SPECC1L: variants seen among roughly 807,000 people sequenced by gnomAD.
SPECC1L encodes the protein sperm antigen with calponin homology and coiled-coil domains 1 like.
In SPECC1L, 40 loss-of-function variants were observed where a neutral mutation model predicts 116.8. That is an observed-to-expected ratio of 0.34 (90% CI 0.27 to 0.45). The LOEUF (loss-of-function observed/expected upper bound fraction) is 0.45, where lower values mean the gene tolerates loss of function less well. SPECC1L is among the 20% of genes least tolerant of loss of function. The probability of loss-of-function intolerance (pLI) is 1.00; values close to 1 mark genes in which losing one functional copy is unlikely to be tolerated. For missense variants in SPECC1L, 1,110 were observed against 1,373.6 expected, an observed-to-expected ratio of 0.81 and a Z score of 3.03; for synonymous variants, 504 against 500.6, an observed-to-expected ratio of 1.01 and a Z score of -0.09.
intron 2 of SPECC1L, among the ~76,000 whole-genome samples, chr22:24,298,099 A>G (rs2049302722): frequency 6.6e-6 from 1 of 152,180 alleles, no homozygotes; most frequent in Non-Finnish European, 1.5e-5. Context: ...AAACTGTCAC[A>G]TTTTGAATGT....
chr22:24,328,814 A>G lies in SPECC1L; in HGVS notation c.2147-32A>G, dbSNP rs1048116282. 10 of 1,520,104 alleles carry G rather than the reference A, an allele frequency of 6.6e-6. No homozygotes were observed. The African/African-American group carries it at 1.2e-4, about 19-fold the overall frequency. 94.2% of individuals were successfully genotyped at this position (1,520,104 alleles called of 1,614,324 possible). ...TTATTACTCTGAAGATTGTTGTGAG[A>G]ATAGATATTTAAACTTTGGTGATCT... On this transcript the variant is annotated intron_variant, in intron 6 of 16. Transcript: ENST00000314328.
At chr22:24,296,461 T>G (rs1340945078) in intron 2 of SPECC1L, among the ~76,000 whole-genome samples, 2 of 152,266 alleles carry the variant, frequency 1.3e-5, no homozygotes, top group African/African-American at 2.4e-5. Flanking sequence ...AGAGGCAGGA[T>G]CCACAATGTT....
chr22:24,342,166 C>T (rs2041189659), intron 10 of SPECC1L, among the ~76,000 whole-genome samples: 2 of 152,184 alleles, frequency 1.3e-5, no homozygotes, highest in Non-Finnish European at 1.5e-5. Flanking sequence ...AAATATAAGA[C>T]TCCATCATAA....
At chr22:24,385,011 T>A (rs537107872) in intron 14 of SPECC1L, among the ~76,000 whole-genome samples, 1 of 147,828 alleles carries the variant, frequency 6.8e-6, no homozygotes, top group East Asian at 2.0e-4. Flanking sequence ...TGCAGTGAGC[T>A]GAGATCGCGC....
At chr22:24,357,574 T>C (rs1011039735) in intron 11 of SPECC1L, among the ~76,000 whole-genome samples, 22 of 152,348 alleles carry the variant, frequency 1.4e-4, no homozygotes, top group Middle Eastern at 3.4e-3. Context: ...CTAGACATCT[T>C]ACATGGATAG....
chr22:24,277,455 T>C (rs1420561307), intron 2 of SPECC1L, among the ~76,000 whole-genome samples: 5 of 152,236 alleles, frequency 3.3e-5, no homozygotes, highest in African/African-American at 7.2e-5. Context: ...CACAAAGTTA[T>C]GCATTGATCA....
At chr22:24,317,834 C>G (rs2040630022) in intron 4 of SPECC1L, among the ~76,000 whole-genome samples, 1 of 151,574 alleles carries the variant, frequency 6.6e-6, no homozygotes, top group African/African-American at 2.4e-5. Context: ...AGGGTCTCCT[C>G]ACTTCTCAGA....
intron 2 of SPECC1L, among the ~76,000 whole-genome samples, chr22:24,283,906 C>G (rs1190240918): frequency 6.6e-6 from 1 of 152,158 alleles, no homozygotes; most frequent in African/African-American, 2.4e-5. Flanking sequence ...CTAACAGTCT[C>G]TTATTTTCCT....
At position 24,314,181 on chromosome 22, in the gene SPECC1L, A is replaced by G. The variant is rs547842568; in HGVS notation, c.307+715A>G. Among the ~76,000 whole-genome samples the G allele has an allele frequency of 5.9e-5, 9 of 152,080 alleles. No homozygotes were observed. In the East Asian group the frequency reaches 1.7e-3, roughly 29 times the overall value. Reference sequence around the variant, plus strand: ...TGCCTCAGCCTCCCGAGCAGCTAGGACTACAGGCGCCCACCACCAAGCCCA... The same window carrying G: ...TGCCTCAGCCTCCCGAGCAGCTAGGGCTACAGGCGCCCACCACCAAGCCCA... On this transcript the variant is annotated intron_variant, in intron 4 of 16. Coordinates refer to ENST00000314328, the MANE Select transcript of SPECC1L (RefSeq NM_015330.6).
At chr22:24,342,943 AG>A (rs1217036097) in intron 10 of SPECC1L, among the ~76,000 whole-genome samples, 1 of 152,172 alleles carries the variant, frequency 6.6e-6, no homozygotes, top group Admixed American at 6.5e-5. Context: ...CTATAATCCC[AG>A]CACTTTGGGA....
intron 4 of SPECC1L, among the ~76,000 whole-genome samples, chr22:24,316,485 C>G (rs1003322817): frequency 7.3e-5 from 11 of 151,218 alleles, no homozygotes; most frequent in Non-Finnish European, 1.0e-4. Context: ...TGACTCTGAA[C>G]GAGCATGCTG....
chr22:24,387,984 C>T (rs1397037823), intron 14 of SPECC1L, among the ~76,000 whole-genome samples: 1 of 152,172 alleles, frequency 6.6e-6, no homozygotes, highest in African/African-American at 2.4e-5. Context: ...CATTGCATCA[C>T]TCTGACCATA....
chr22:24,321,029 C>T (rs552589021), intron 4 of SPECC1L, among the ~76,000 whole-genome samples: 1 of 152,312 alleles, frequency 6.6e-6, no homozygotes, highest in East Asian at 1.9e-4. Flanking sequence ...ATGTAATTCA[C>T]ATTCCATAAA....
intron 14 of SPECC1L, among the ~76,000 whole-genome samples, chr22:24,385,928 A>G (rs1601325503): frequency 6.6e-6 from 1 of 152,364 alleles, no homozygotes; most frequent in East Asian, 1.9e-4. Flanking sequence ...GCACCAGACA[A>G]TAGTGGATTG....
chr22:24,338,501 G>T, intron 10 of SPECC1L, 24 bp downstream of exon 10: 2 of 1,606,030 alleles, frequency 1.2e-6, no homozygotes, highest in Non-Finnish European at 1.7e-6. Context: ...ACCACAGGAG[G>T]CTCTTAGAGC....
intron 10 of SPECC1L, among the ~76,000 whole-genome samples, chr22:24,344,595 A>C (rs2041251647): frequency 2.3e-5 from 1 of 44,334 alleles, no homozygotes; most frequent in Non-Finnish European, 5.9e-5. Flanking sequence ...ATAAGACCAA[A>C]AAAAAAAAAA....
intron 14 of SPECC1L, among the ~76,000 whole-genome samples, chr22:24,380,460 C>G (rs2042044301): frequency 6.6e-6 from 1 of 152,200 alleles, no homozygotes; most frequent in South Asian, 2.1e-4. Flanking sequence ...ATGCTTGGAA[C>G]GTGCGTGCTT....
intron 14 of SPECC1L, among the ~76,000 whole-genome samples, chr22:24,379,323 T>C (rs1306342193): frequency 2.0e-5 from 3 of 151,812 alleles, no homozygotes; most frequent in African/African-American, 7.2e-5. Context: ...GAGGCTGCTG[T>C]GAGCCATTAT....
At chr22:24,313,781 C>T (rs1282233843) in intron 4 of SPECC1L, among the ~76,000 whole-genome samples, 2 of 149,442 alleles carry the variant, frequency 1.3e-5, no homozygotes, top group South Asian at 2.1e-4. Context: ...CTTAGTCACG[C>T]AGGCTGAAGT....
Sources: gnomAD v4.1 joint callset for allele counts (sites outside exome capture counted in the v4.1 genomes callset) on GRCh38, gnomAD v4.1.1 for gene constraint, MANE v1.5 for transcripts, NCBI Gene and HGNC (gene_info 2026-07-23, HGNC 2026-07-21) for gene names.